Variants in FAT3 observed in about 807,000 individuals in gnomAD.
The protein encoded by FAT3 is FAT atypical cadherin 3.
FAT3 carries 95 observed loss-of-function variants against 310.2 expected under a neutral mutation model. The ratio of observed to expected loss-of-function variants is 0.31; its 90% confidence interval spans 0.26 to 0.36. FAT3 has a LOEUF of 0.36. Among genes scored for constraint, FAT3 ranks in the 10% least tolerant of loss-of-function variants. FAT3 has a pLI of 1.00. For synonymous variants in FAT3, 2,314 were observed against 2,192.9 expected (o/e 1.06, Z -1.54); for missense variants, 5,408 against 5,715.6 (o/e 0.95, Z 1.74).
chr11:92,881,100 T>C (rs2136400921), intron 23 of FAT3, among the ~76,000 whole-genome samples: 1 of 152,344 alleles, frequency 6.6e-6, no homozygotes, highest in South Asian at 2.1e-4. Context: ...TTTTCTACTT[T>C]ATGTTTCCCT....
chr11:92,586,390 G>A (rs1418433679), intron 3 of FAT3, among the ~76,000 whole-genome samples: 1 of 151,904 alleles, frequency 6.6e-6, no homozygotes, highest in Non-Finnish European at 1.5e-5. Flanking sequence ...CTGTTTTCCT[G>A]ATTGAAGAAA....
intron 2 of FAT3, among the ~76,000 whole-genome samples, chr11:92,467,351 T>C (rs925108934): frequency 6.6e-6 from 1 of 152,212 alleles, no homozygotes; most frequent in Non-Finnish European, 1.5e-5. Context: ...TTTTTTCATG[T>C]GTTTTTTGGC....
At chr11:92,762,318 G>T (rs1946173026) in intron 5 of FAT3, 148 bp downstream of exon 5, 4 of 736,866 alleles carry the variant, frequency 5.4e-6, no homozygotes. Flanking sequence ...GCAAGTGCAG[G>T]TGAGAACTCT....
rs537406455 is a variant in FAT3, at chr11:92,682,805, C to T, written c.3608-14579C>T. Among the ~76,000 whole-genome samples, 12 of 152,160 alleles carry T rather than the reference C, an allele frequency of 7.9e-5. No individual in the cohort carries two copies. The South Asian group carries it at 8.3e-4, about 11-fold the overall frequency. ...ATTTAAATGGTATCTGGGCCAGGTGCGGTGGCTCAGTCCTGTAATCCTAGC... is the reference window on the plus strand; with the variant it reads ...ATTTAAATGGTATCTGGGCCAGGTGTGGTGGCTCAGTCCTGTAATCCTAGC... On this transcript the variant is annotated intron_variant, in intron 3 of 27. Coordinates refer to ENST00000525166, the MANE Select transcript of FAT3 (RefSeq NM_001367949.2).
Position 92,883,468 on chromosome 11 carries a change from G to C in FAT3, c.12937+75G>C. ...CAGGGGCGCTGTGCGAGGACGCTAC[G>C]GGAAGGGAGAGAGACCCCGCATGCA... On this transcript the variant is annotated intron_variant, in intron 24 of 27. Transcript: ENST00000525166. The surrounding 1 kb of genome is among the most constrained non-coding windows in gnomAD (Gnocchi z 4.2). The C allele has an allele frequency of 6.6e-7, 1 of 1,511,970 alleles. No homozygotes were observed. The highest frequency in any genetic ancestry group is 8.9e-7 in the Non-Finnish European group (1 of 1,126,136). 93.7% of individuals were successfully genotyped at this position (1,511,970 alleles called of 1,614,324 possible). A position where few individuals can be genotyped will look rare whatever the true frequency, so the allele number is the denominator to read the frequency against.
intron 7 of FAT3, among the ~76,000 whole-genome samples, chr11:92,787,773 A>T (rs1009974767): frequency 6.6e-6 from 1 of 151,704 alleles, no homozygotes; most frequent in African/African-American, 2.4e-5. Context: ...TATAATAAGA[A>T]TGTTGGAATT....
chr11:92,293,531 TATATATATATATATATATATAA>T (rs1029308229), intron 1 of FAT3, among the ~76,000 whole-genome samples: 8 of 73,096 alleles, frequency 1.1e-4, no homozygotes, highest in African/African-American at 1.6e-4. Flanking sequence ...TATATATATA[TATATATATATATATATATATAA>T]ATAAAATATA....
chr11:92,851,178 A>T (rs1008491280), intron 19 of FAT3, among the ~76,000 whole-genome samples: 10 of 152,244 alleles, frequency 6.6e-5, no homozygotes, highest in African/African-American at 2.4e-4. Flanking sequence ...ATTTCGTATC[A>T]CCTACTGCGG....
intron 1 of FAT3, among the ~76,000 whole-genome samples, chr11:92,312,202 TACTG>T (rs139824956): frequency 0.027 from 4,043 of 152,302 alleles, 191 homozygotes; most frequent in African/African-American, 0.092. Flanking sequence ...AGGCTCCAGC[TACTG>T]CCTACAGGAA....
chr11:92,723,187 C>A (rs981521026), intron 4 of FAT3, among the ~76,000 whole-genome samples: 5 of 152,180 alleles, frequency 3.3e-5, no homozygotes, highest in African/African-American at 4.8e-5. Flanking sequence ...TCCAAGTCAC[C>A]TCTTGAACGT....
intron 3 of FAT3, among the ~76,000 whole-genome samples, chr11:92,617,670 T>C (rs1940876789): frequency 6.6e-6 from 1 of 152,200 alleles, no homozygotes; most frequent in Non-Finnish European, 1.5e-5. Flanking sequence ...TTGGTGTGGA[T>C]GTCCTTTCTG....
intron 23 of FAT3, among the ~76,000 whole-genome samples, chr11:92,882,178 TCTTTCTA>T (rs1235731240): frequency 5.3e-5 from 8 of 152,198 alleles, no homozygotes; most frequent in African/African-American, 1.9e-4. Flanking sequence ...GTTTTGAGGC[TCTTTCTA>T]CTCTTTATTT....
rs555308849 is a variant in FAT3, at chr11:92,891,048, G to A, written c.13705G>A (p.Gly4569Arg). The A allele has an allele frequency of 1.2e-6, 2 of 1,613,816 alleles. No homozygotes were observed. Among genetic ancestry groups the A allele is most frequent in the African/African-American group, 2.7e-5 (2 of 75,014 alleles). ...EVAMSDYESV[G>R]ELSLASLHIP... Reference sequence around the variant, plus strand: ...AGCCATGAGTGACTACGAGAGCGTGGGAGAGCTCAGCCTCGCCAGCCTTCA... The same window carrying A: ...AGCCATGAGTGACTACGAGAGCGTGAGAGAGCTCAGCCTCGCCAGCCTTCA... The change falls in exon 28 of 28, where the codon GGA (glycine) becomes AGA (arginine). Residue 4569 changes from glycine (G) to arginine (R), a missense_variant. By Grantham distance (125) the Gly-to-Arg change is moderately radical. Coordinates refer to ENST00000525166, the MANE Select transcript of FAT3 (RefSeq NM_001367949.2).
chr11:92,418,435 C>CCG (rs1565301012), intron 2 of FAT3, among the ~76,000 whole-genome samples: 13 of 106,596 alleles, frequency 1.2e-4, no homozygotes, highest in East Asian at 3.7e-4. Context: ...CCCACCCCCC[C>CCG]ACACACACAC....
chr11:92,603,156 C>A (rs1565449068), intron 3 of FAT3, among the ~76,000 whole-genome samples: 1 of 152,300 alleles, frequency 6.6e-6, no homozygotes, highest in East Asian at 1.9e-4. Context: ...GTAAGCTTCA[C>A]TGGGCTTCCA....
At chr11:92,231,689 T>G (rs1245927448) in intron 1 of FAT3, among the ~76,000 whole-genome samples, 1 of 152,192 alleles carries the variant, frequency 6.6e-6, no homozygotes, top group Non-Finnish European at 1.5e-5. Context: ...CCCAAATTAT[T>G]AATGCTACTA....
At chr11:92,430,963 A>G (rs992727747) in intron 2 of FAT3, among the ~76,000 whole-genome samples, 2 of 152,198 alleles carry the variant, frequency 1.3e-5, no homozygotes, top group African/African-American at 4.8e-5. Context: ...TAGTGCCGCA[A>G]TAAACATACG....
chr11:92,880,692 A>C lies in FAT3; in HGVS notation c.12128-39A>C, dbSNP rs1032422866. The stretch of plus-strand genomic sequence containing the variant: ...CTGAGTCCAAGCACTCAGCCCTAGC[A>C]GTGGCATCCATGGCTCATGAGGTCC... On this transcript the variant is annotated intron_variant, in intron 22 of 27. Transcript: ENST00000525166. 1.3e-5 allele frequency: 21 copies of C among 1,597,304 alleles called. No homozygotes were observed. The Admixed American group carries it at 1.4e-4, about 11-fold the overall frequency.
chr11:92,552,073 T>C (rs1286007231), intron 3 of FAT3, among the ~76,000 whole-genome samples: 1 of 152,210 alleles, frequency 6.6e-6, no homozygotes, highest in Non-Finnish European at 1.5e-5. Flanking sequence ...AAATAATCCT[T>C]GAAATACAAA....
Sources: allele counts gnomAD v4.1 joint callset (sites outside exome capture counted in the v4.1 genomes callset), GRCh38; gene constraint gnomAD v4.1.1; non-coding constraint Gnocchi (gnomAD v3.1); transcripts MANE v1.5; gene names NCBI Gene and HGNC (gene_info 2026-07-23, HGNC 2026-07-21).